The following EIF4A2 variants were observed in gnomAD, a reference collection of about 807,000 sequenced individuals.
The protein encoded by EIF4A2 is eukaryotic translation initiation factor 4A2, also known as eukaryotic initiation factor 4A-II.
A neutral mutation model predicts 50.6 loss-of-function variants in EIF4A2; 9 were observed. The observed-to-expected ratio is 0.18, with a 90% CI of 0.11 to 0.31. EIF4A2 has a LOEUF of 0.31. EIF4A2 is among the 10% of genes least tolerant of loss of function. The probability of loss-of-function intolerance (pLI) is 1.00; values close to 1 mark genes in which losing one functional copy is unlikely to be tolerated. For missense variants in EIF4A2, 182 were observed against 501.8 expected, an observed-to-expected ratio of 0.36 and a Z score of 6.09; for synonymous variants, 215 against 164.4, an observed-to-expected ratio of 1.31 and a Z score of -2.35.
chr3:186,789,420 AGTC>A lies in EIF4A2; in HGVS notation c.*154_*156del. On this transcript the variant is annotated 3_prime_UTR_variant, in exon 11 of 11. Coordinates refer to ENST00000323963, the MANE Select transcript of EIF4A2 (RefSeq NM_001967.4). ...CAGATTTTGATAGCAAAGCGACGTT[AGTC>A]GTGAGCTCTTGTGAGGAAAGTCATT... is the stretch of plus-strand genomic sequence containing the variant. 1 of 1,131,034 alleles carries A rather than the reference AGTC, an allele frequency of 8.8e-7. No individual in the cohort carries two copies. The highest frequency in any genetic ancestry group is 1.2e-6 in the Non-Finnish European group (1 of 828,730). The allele number at this position is 1,131,034 out of a possible 1,614,324, so 70.1% of individuals were successfully genotyped here.
chr3:186,784,772 ACTAGCAC>A (rs1721591461), intron 3 of EIF4A2, 76 bp downstream of exon 3: 2 of 1,607,446 alleles, frequency 1.2e-6, no homozygotes, highest in African/African-American at 1.3e-5. Context: ...CCTCTGGGGG[ACTAGCAC>A]CTGTTTGTAT....
At chr3:186,784,302 C>A in intron 1 of EIF4A2, 130 bp from the exon 2 acceptor site, 1 of 1,352,130 alleles carries the variant, frequency 7.4e-7, no homozygotes, top group Non-Finnish European at 1.0e-6. Flanking sequence ...TGGATATTCG[C>A]CCTGAGGCTG....
chr3:186,786,374 C>CT (rs1721709763), intron 6 of EIF4A2, 101 bp downstream of exon 6: 11 of 1,517,226 alleles, frequency 7.3e-6, no homozygotes, highest in Non-Finnish European at 9.8e-6. Context: ...GTTCCCCCTG[C>CT]TTAAAGCACT....
At chr3:186,785,404 TTGAC>T (rs1185035072) in intron 4 of EIF4A2, 2 of 419,138 alleles carry the variant, frequency 4.8e-6, no homozygotes, top group East Asian at 8.8e-5. Context: ...ATGTTACCAT[TTGAC>T]TGTCTCCGTA....
At chr3:186,785,650 G>C in intron 4 of EIF4A2, 1 of 497,040 alleles carries the variant, frequency 2.0e-6, no homozygotes, top group East Asian at 3.0e-5. Flanking sequence ...TTCTTGGATT[G>C]TCTAGCTGAT....
Position 186,785,584 on chromosome 3 carries a change from C to T in EIF4A2, c.349-299C>T, listed in dbSNP as rs577368960. ...ATTTGCCCTAGCTGTAATTACAGAA[C>T]ATAAATTTCACTACGTACTCCCTAC... On this transcript the variant is annotated intron_variant, in intron 4 of 10. Transcript: ENST00000323963. 1.1e-5 allele frequency: 4 copies of T among 354,650 alleles called. No homozygotes were observed. In the East Asian group the frequency reaches 1.4e-4, roughly 12 times the overall value. 22.0% of individuals were successfully genotyped at this position (354,650 alleles called of 1,614,324 possible).
intron 7 of EIF4A2, 148 bp downstream of exon 7, chr3:186,786,793 T>TG (rs1491005629): frequency 8.9e-7 from 1 of 1,120,066 alleles, no homozygotes; most frequent in Non-Finnish European, 1.4e-6. Context: ...TTGTAAAGAC[T>TG]GGGGTGGACC....
In EIF4A2 at chr3:186,786,579, T is replaced by C. The variant is rs781307843; in HGVS notation, c.705T>C (p.Ile235=). Residue 235 remains isoleucine (I), a synonymous_variant, in exon 7 of 11, where the codon ATT becomes ATC. Transcript: ENST00000323963. ...AATTCATGAGAGATCCAATTCGAAT[T>C]CTGGTGAAAAAGGAAGAATTGACCC... ...TKKFMRDPIR[I]LVKKEELTLE... 1 of 1,613,864 alleles carries C rather than the reference T, an allele frequency of 6.2e-7. No individual in the cohort carries two copies. Among genetic ancestry groups the C allele is most frequent in the Admixed American group, 1.7e-5 (1 of 60,024 alleles).
At chr3:186,788,392 A>G (rs1721896560) in intron 10 of EIF4A2, 1 of 1,285,826 alleles carries the variant, frequency 7.8e-7, no homozygotes, top group Non-Finnish European at 1.0e-6. Context: ...TAAGCGAAAC[A>G]GCACACTGTT....
chr3:186,786,311 G>A (rs1721700507), intron 6 of EIF4A2, 38 bp downstream of exon 6: 1 of 1,588,478 alleles, frequency 6.3e-7, no homozygotes, highest in East Asian at 2.3e-5. Flanking sequence ...AGGTAGAGAT[G>A]GGGTTTATTT....
Position 186,789,540 on chromosome 3 carries a change from C to T in EIF4A2, c.*271C>T, listed in dbSNP as rs531893016. Reference sequence around the variant, plus strand: ...TTTCTTAGAAATTTATTTCCTAGTTCTGTAGAAATGGTTGTATTAGATGTT... The same window carrying T: ...TTTCTTAGAAATTTATTTCCTAGTTTTGTAGAAATGGTTGTATTAGATGTT... On this transcript the variant is annotated 3_prime_UTR_variant, in exon 11 of 11. Coordinates refer to ENST00000323963, the MANE Select transcript of EIF4A2 (RefSeq NM_001967.4). 20 of 370,062 alleles carry T rather than the reference C, an allele frequency of 5.4e-5. No individual in the cohort carries two copies. In the Admixed American group the frequency reaches 7.8e-4, roughly 14 times the overall value. The allele number at this position is 370,062 out of a possible 1,614,324, so 22.9% of individuals were successfully genotyped here.
chr3:186,789,465 G>GA lies in EIF4A2; in HGVS notation c.*197dup, dbSNP rs1165547747. On this transcript the variant is annotated 3_prime_UTR_variant, in exon 11 of 11. Coordinates refer to ENST00000323963, the MANE Select transcript of EIF4A2 (RefSeq NM_001967.4). Reference sequence around the variant, plus strand: ...AAAGTCATTGGCTTTATCCTCTTTAGAGTTAGACTGTTGGGGTGGGTATAA... The same window carrying GA: ...AAAGTCATTGGCTTTATCCTCTTTAGAAGTTAGACTGTTGGGGTGGGTATAA... 1.1e-5 allele frequency: 7 copies of GA among 613,860 alleles called. No homozygotes were observed. The African/African-American group carries it at 1.3e-4, about 12-fold the overall frequency. 38.0% of individuals were successfully genotyped at this position (613,860 alleles called of 1,614,324 possible). A position where few individuals can be genotyped will look rare whatever the true frequency, so the allele number is the denominator to read the frequency against.
At chr3:186,788,483 A>AT (rs111643166) in intron 10 of EIF4A2, 93 of 1,178,108 alleles carry the variant, frequency 7.9e-5, no homozygotes, top group African/African-American at 2.6e-4. Flanking sequence ...CAGCTAAGGC[A>AT]TTTTTTTGTA....
chr3:186,789,465 G>GAGTT lies in EIF4A2; in HGVS notation c.*199_*202dup. On this transcript the variant is annotated 3_prime_UTR_variant, in exon 11 of 11. Transcript: ENST00000323963. ...AAAGTCATTGGCTTTATCCTCTTTAGAGTTAGACTGTTGGGGTGGGTATAA... is the reference window on the plus strand; with the variant it reads ...AAAGTCATTGGCTTTATCCTCTTTAGAGTTAGTTAGACTGTTGGGGTGGGTATAA... The GAGTT allele has an allele frequency of 1.6e-6, 1 of 613,860 alleles. No individual in the cohort carries two copies. Among genetic ancestry groups the GAGTT allele is most frequent in the Non-Finnish European group, 2.5e-6 (1 of 394,586 alleles). The allele number at this position is 613,860 out of a possible 1,614,324, so 38.0% of individuals were successfully genotyped here. A position where few individuals can be genotyped will look rare whatever the true frequency, so the allele number is the denominator to read the frequency against.
intron 1 of EIF4A2, 168 bp from the exon 2 acceptor site, chr3:186,784,264 C>T (rs1430093020): frequency 4.1e-6 from 4 of 979,874 alleles, no homozygotes; most frequent in Non-Finnish European, 6.0e-6. Flanking sequence ...CATCCGCAGG[C>T]CCCAACCTTT....
At chr3:186,785,570 C>T (rs1461296996) in intron 4 of EIF4A2, 4 of 335,988 alleles carry the variant, frequency 1.2e-5, no homozygotes, top group Non-Finnish European at 1.6e-5. Context: ...TTTGCCCTAG[C>T]TGTAATTACA....
At position 186,789,304 on chromosome 3, in the gene EIF4A2, T is replaced by C. The variant is rs912449762; in HGVS notation, c.*35T>C. 2.5e-6 allele frequency: 4 copies of C among 1,582,352 alleles called. No individual in the cohort carries two copies. The highest frequency in any genetic ancestry group is 3.4e-6 in the Non-Finnish European group (4 of 1,165,046). The stretch of plus-strand genomic sequence containing the variant: ...TGAGAGTTTTGGATGCAGTGCTCGC[T>C]GTTGCTGAATAGGCGATCACAACGT... On this transcript the variant is annotated 3_prime_UTR_variant, in exon 11 of 11. Transcript: ENST00000323963.
At position 186,787,176 on chromosome 3, in the gene EIF4A2, C is replaced by T. The variant is rs2108459724; in HGVS notation, c.821C>T (p.Thr274Ile). The change falls in exon 8 of 11, where the codon ACA becomes ATA. Residue 274 changes from threonine (T) to isoleucine (I), a missense_variant. By Grantham distance (89) the Thr-to-Ile change is moderately conservative (BLOSUM62 -1). This residue lies in a region of EIF4A2 where 113 missense variants were observed against 357.3 expected (regional missense o/e 0.32). Transcript: ENST00000323963. ...LCDLYETLTI[T>I]QAVIFLNTRR... The stretch of plus-strand genomic sequence containing the variant: ...GACTTGTACGAGACACTGACCATTA[C>T]ACAGGCTGTTATTTTTCTCAATACG... The T allele has an allele frequency of 6.2e-7, 1 of 1,614,114 alleles. No individual in the cohort carries two copies. Among genetic ancestry groups the T allele is most frequent in the South Asian group, 1.1e-5 (1 of 91,086 alleles).
chr3:186,787,761 G>C (rs1338875762), intron 9 of EIF4A2, 42 bp from the exon 10 acceptor site: 2 of 1,613,506 alleles, frequency 1.2e-6, no homozygotes, highest in African/African-American at 2.7e-5. Context: ...CAGGTGTCAA[G>C]TTTTTTTGAA....
Sources: gnomAD v4.1 joint callset for allele counts on GRCh38, gnomAD v4.1.1 for gene constraint, gnomAD v4.1.1 regional missense constraint, MANE v1.5 for transcripts, NCBI Gene and HGNC (gene_info 2026-07-23, HGNC 2026-07-21) for gene names.